The following MED25 variants were observed in gnomAD, a reference collection of about 807,000 sequenced individuals.
MED25 encodes mediator of RNA polymerase II transcription subunit 25.
A neutral mutation model predicts 89.4 loss-of-function variants in MED25; 62 were observed. The observed-to-expected ratio is 0.69, with a 90% CI of 0.57 to 0.86. MED25 has a LOEUF of 0.86. Ranked by LOEUF, MED25 falls within the 40% of genes least tolerant of loss-of-function variation. The probability of loss-of-function intolerance (pLI) is 0.00; values close to 1 mark genes in which losing one functional copy is unlikely to be tolerated. For missense variants in MED25, 905 were observed against 1,005.2 expected (o/e 0.90, Z 1.35); for synonymous variants, 449 against 427.9 (o/e 1.05, Z -0.61).
rs2074043420 is a variant in MED25, at chr19:49,830,094, G to T, written c.695G>T (p.Gly232Val). Residue 232 changes from glycine (G) to valine (V), a missense_variant, in exon 7 of 18, where the codon GGT becomes GTT. Gly to Val is a moderately radical substitution (Grantham distance 109). Transcript: ENST00000312865. The surrounding 1 kb of genome is among the most constrained non-coding windows in gnomAD (Gnocchi z 4.6). ...CCATCCCTCCTGCTCTCAGTTGGGGGTGGCTCAGCCCCAGGCCCCCTCCAG... is the reference window on the plus strand; with the variant it reads ...CCATCCCTCCTGCTCTCAGTTGGGGTTGGCTCAGCCCCAGGCCCCCTCCAG... ...LVRGLVLPVG[G>V]GSAPGPLQSK... 2.5e-6 allele frequency: 4 copies of T among 1,606,850 alleles called. No individual in the cohort carries two copies. Among genetic ancestry groups the T allele is most frequent in the Non-Finnish European group, 3.4e-6 (4 of 1,177,458 alleles).
At position 49,819,122 on chromosome 19, in the gene MED25, A is replaced by G. The variant is rs202133976; in HGVS notation, c.181-50A>G. 9.3e-6 allele frequency: 15 copies of G among 1,610,342 alleles called. No homozygotes were observed. The East Asian group carries it at 2.9e-4, about 31-fold the overall frequency. Reference sequence around the variant, plus strand: ...GGAGCCCTGATTCCTTCTCTAAGGGAAAAGGGAATTGAGGTCCCAGATTAA... The same window carrying G: ...GGAGCCCTGATTCCTTCTCTAAGGGGAAAGGGAATTGAGGTCCCAGATTAA... On this transcript the variant is annotated intron_variant, in intron 2 of 17. Coordinates refer to ENST00000312865, the MANE Select transcript of MED25 (RefSeq NM_030973.4).
chr19:49,825,583 AG>A (rs1194023117), intron 3 of MED25, among the ~76,000 whole-genome samples: 1 of 151,872 alleles, frequency 6.6e-6, no homozygotes, highest in Non-Finnish European at 1.5e-5. Flanking sequence ...CTGTAATTCC[AG>A]CACTTTGGGA....
chr19:49,821,958 G>A (rs1201353799), intron 3 of MED25, among the ~76,000 whole-genome samples: 14 of 149,844 alleles, frequency 9.3e-5, no homozygotes, highest in African/African-American at 3.0e-4. Context: ...GTGAAACCCC[G>A]TCTCTACAAA....
At chr19:49,839,801 TA>T (rs2074122340), downstream of MED25, 1 of 152,208 alleles carries the variant, frequency 6.6e-6, no homozygotes, top group Non-Finnish European at 1.5e-5. Context: ...TGTATTCACC[TA>T]CGTCCTGGGG....
Position 49,836,881 on chromosome 19 carries a change from G to C in MED25, c.2181G>C (p.Pro727=). Residue 727 remains proline (P), a synonymous_variant, in exon 18 of 18, where the codon CCG becomes CCC. Transcript: ENST00000312865. The surrounding 1 kb of genome is among the most constrained non-coding windows in gnomAD (Gnocchi z 5.1). ...QMLLSGGPRG[P]VPQPGLQPSV... The stretch of plus-strand genomic sequence containing the variant: ...TGCTGAGCGGGGGTCCCCGGGGCCC[G>C]GTCCCCCAGCCGGGCCTGCAGCCCA... The C allele has an allele frequency of 1.2e-6, 2 of 1,612,380 alleles. No individual in the cohort carries two copies. The highest frequency in any genetic ancestry group is 1.7e-6 in the Non-Finnish European group (2 of 1,179,682).
Position 49,818,553 on chromosome 19 carries a change from C to T in MED25, c.135-18C>T. 5.0e-6 allele frequency: 8 copies of T among 1,614,248 alleles called. No individual in the cohort carries two copies. The highest frequency in any genetic ancestry group is 6.8e-6 in the Non-Finnish European group (8 of 1,180,046). On this transcript the variant is annotated intron_variant, in intron 1 of 17. Transcript: ENST00000312865. ...AGTTTCTTGCCTGACTCCGACCTTT[C>T]ACTTCCTACCCTCACAGGTATTTTA...
rs1275552116 is a variant in MED25 at position 49,829,798 on chromosome 19, T to C, written c.538T>C (p.Phe180Leu). 34 of 1,597,600 alleles carry C rather than the reference T, an allele frequency of 2.1e-5. No homozygotes were observed. The highest frequency in any genetic ancestry group is 2.9e-5 in the Non-Finnish European group (34 of 1,172,236). The change falls in exon 6 of 18, where the codon TTC (phenylalanine) becomes CTC (leucine). Residue 180 changes from phenylalanine (F) to leucine (L), a missense_variant. Around this residue, in one of 3 missense-constraint regions of MED25, gnomAD observed 501 missense variants for 526.9 expected, o/e 0.95. Coordinates refer to ENST00000312865, the MANE Select transcript of MED25 (RefSeq NM_030973.4). This position sits in a 1 kb window ranked among gnomAD's most constrained non-coding sequence, Gnocchi z 4.6. ...CCCTCTCCTACAGCGGGGGATCCAC[T>C]TCTCCATTGTGTCTCCCCGGAAGCT... ...VQQIGERGIH[F>L]SIVSPRKLPA... is the part of the protein sequence containing the mutation.
At chr19:49,837,141 C>T (rs775106572), downstream of MED25, among the ~76,000 whole-genome samples, 2 of 152,114 alleles carry the variant, frequency 1.3e-5, no homozygotes, top group Non-Finnish European at 2.9e-5. Context: ...CAACCTGATT[C>T]GTGGGAGATG....
chr19:49,830,384 G>C lies in MED25; in HGVS notation c.820-127G>C. 1 of 1,153,998 alleles carries C rather than the reference G, an allele frequency of 8.7e-7. No individual in the cohort carries two copies. Among genetic ancestry groups the C allele is most frequent in the South Asian group, 1.3e-5 (1 of 78,170 alleles). The allele number at this position is 1,153,998 out of a possible 1,614,324, so 71.5% of individuals were successfully genotyped here. A position where few individuals can be genotyped will look rare whatever the true frequency, so the allele number is the denominator to read the frequency against. On this transcript the variant is annotated intron_variant, in intron 7 of 17. Coordinates refer to ENST00000312865, the MANE Select transcript of MED25 (RefSeq NM_030973.4). This position sits in a 1 kb window ranked among gnomAD's most constrained non-coding sequence, Gnocchi z 4.6. Reference sequence around the variant, plus strand: ...ATGGAAGCTCATGTGCTGTGTGATGGGTGTTGTGAGCTAAGCTATCCCAGC... The same window carrying C: ...ATGGAAGCTCATGTGCTGTGTGATGCGTGTTGTGAGCTAAGCTATCCCAGC...
chr19:49,834,773 C>A lies in MED25; in HGVS notation c.1483-213C>A. ...CTCCAGCACTTTCTCTCCGCTTTCC[C>A]TCTCAGTGGGCAGCTGGAACCCTAG... is the stretch of plus-strand genomic sequence containing the variant. On this transcript the variant is annotated intron_variant, in intron 13 of 17. Coordinates refer to ENST00000312865, the MANE Select transcript of MED25 (RefSeq NM_030973.4). This position sits in a 1 kb window ranked among gnomAD's most constrained non-coding sequence, Gnocchi z 4.1. The A allele has an allele frequency of 1.7e-6, 1 of 596,728 alleles. No homozygotes were observed. The highest frequency in any genetic ancestry group is 3.0e-6 in the Non-Finnish European group (1 of 334,882). The allele number at this position is 596,728 out of a possible 1,614,324, so 37.0% of individuals were successfully genotyped here. A position where few individuals can be genotyped will look rare whatever the true frequency, so the allele number is the denominator to read the frequency against.
At chr19:49,825,723 C>G (rs370786620) in intron 3 of MED25, among the ~76,000 whole-genome samples, 1 of 151,450 alleles carries the variant, frequency 6.6e-6, no homozygotes, top group Non-Finnish European at 1.5e-5. Flanking sequence ...CCCAGCTACT[C>G]GGGAGGCTGA....
At position 49,830,445 on chromosome 19, in the gene MED25, T is replaced by C. The variant is rs2074046794; in HGVS notation, c.820-66T>C. On this transcript the variant is annotated intron_variant, in intron 7 of 17. Transcript: ENST00000312865. This position sits in a 1 kb window ranked among gnomAD's most constrained non-coding sequence, Gnocchi z 4.6. The stretch of plus-strand genomic sequence containing the variant: ...TGGGGCCATGGGTGGTGTGACCTCG[T>C]GGGATACCAGGACTGGGGGGCCATG... 2.0e-5 allele frequency: 30 copies of C among 1,532,702 alleles called. No homozygotes were observed. The highest frequency in any genetic ancestry group is 2.6e-5 in the Non-Finnish European group (29 of 1,108,934). The allele number at this position is 1,532,702 out of a possible 1,614,324, so 94.9% of individuals were successfully genotyped here. A position where few individuals can be genotyped will look rare whatever the true frequency, so the allele number is the denominator to read the frequency against.
downstream of MED25, chr19:49,838,473 T>TGAGGCA: frequency 2.4e-6 from 1 of 421,016 alleles, no homozygotes; most frequent in Non-Finnish European, 4.8e-6. Flanking sequence ...GGCTTCCCTG[T>TGAGGCA]GAGGCAGAGA....
Position 49,830,316 on chromosome 19 carries a change from TGGGA to T in MED25, c.819+100_819+103del. ...TTGCATGTTGGAGCTTGTGGGATGATGGGAGTCCCATGGGACATTGGGAAGGTGG... is the reference window on the plus strand; with the variant it reads ...TTGCATGTTGGAGCTTGTGGGATGATGTCCCATGGGACATTGGGAAGGTGG... On this transcript the variant is annotated intron_variant, in intron 7 of 17. Coordinates refer to ENST00000312865, the MANE Select transcript of MED25 (RefSeq NM_030973.4). The surrounding 1 kb of genome is among the most constrained non-coding windows in gnomAD (Gnocchi z 4.6). The T allele has an allele frequency of 7.6e-7, 1 of 1,316,042 alleles. No individual in the cohort carries two copies. Among genetic ancestry groups the T allele is most frequent in the South Asian group, 1.2e-5 (1 of 81,856 alleles). The allele number at this position is 1,316,042 out of a possible 1,614,324, so 81.5% of individuals were successfully genotyped here.
In MED25 at chr19:49,819,109, C is replaced by T. The variant is rs1600312847; in HGVS notation, c.181-63C>T. The T allele has an allele frequency of 1.9e-6, 3 of 1,602,478 alleles. No homozygotes were observed. The East Asian group carries it at 6.7e-5, about 36-fold the overall frequency. On this transcript the variant is annotated intron_variant, in intron 2 of 17. Transcript: ENST00000312865. Reference sequence around the variant, plus strand: ...GAACGGGAAGCTGGGAGCCCTGATTCCTTCTCTAAGGGAAAAGGGAATTGA... The same window carrying T: ...GAACGGGAAGCTGGGAGCCCTGATTTCTTCTCTAAGGGAAAAGGGAATTGA...
rs530482838 is a variant in MED25, at chr19:49,836,625, G to A, written c.2146+219G>A. On this transcript the variant is annotated intron_variant, in intron 17 of 17. Coordinates refer to ENST00000312865, the MANE Select transcript of MED25 (RefSeq NM_030973.4). The surrounding 1 kb of genome is among the most constrained non-coding windows in gnomAD (Gnocchi z 5.1). ...AGCGTTTCCCATGATCCTCCTGTGT[G>A]TGCTCCTGGGATTGCTGGGAAATGT... 1.3e-6 allele frequency: 1 copy of A among 744,590 alleles called. No individual in the cohort carries two copies. Among genetic ancestry groups the A allele is most frequent in the East Asian group, 2.7e-5 (1 of 37,412 alleles). The allele number at this position is 744,590 out of a possible 1,614,324, so 46.1% of individuals were successfully genotyped here. A position where few individuals can be genotyped will look rare whatever the true frequency, so the allele number is the denominator to read the frequency against.
downstream of MED25, chr19:49,838,755 C>T (rs772855042): frequency 8.8e-5 from 40 of 456,624 alleles, no homozygotes; most frequent in Middle Eastern, 3.3e-4. Flanking sequence ...GTAAGAGCTA[C>T]GACCAGTACA....
chr19:49,819,160 C>T lies in MED25; in HGVS notation c.181-12C>T, dbSNP rs376974482. On this transcript the variant is annotated splice_polypyrimidine_tract_variant and intron_variant, in intron 2 of 17. Transcript: ENST00000312865. ...GGTCCCAGATTAAAAGTTTTCTGTCCTCCCCTCCCAGTATGGGGGGACCCA... is the reference window on the plus strand; with the variant it reads ...GGTCCCAGATTAAAAGTTTTCTGTCTTCCCCTCCCAGTATGGGGGGACCCA... 6.8e-6 allele frequency: 11 copies of T among 1,613,986 alleles called. No individual in the cohort carries two copies. The highest frequency in any genetic ancestry group is 1.6e-4 in the Middle Eastern group (1 of 6,084).
In MED25 at chr19:49,830,656, C is replaced by T. The variant is rs1044626771; in HGVS notation, c.908-38C>T. 56 of 1,612,436 alleles carry T rather than the reference C, an allele frequency of 3.5e-5. No individual in the cohort carries two copies. Among genetic ancestry groups the T allele is most frequent in the African/African-American group, 5.3e-5 (4 of 74,864 alleles). ...GGGGCCAGGCAGGCCTCTCTCCACACACTTGTTCCCCACTTCTTCCCTTGG... is the reference window on the plus strand; with the variant it reads ...GGGGCCAGGCAGGCCTCTCTCCACATACTTGTTCCCCACTTCTTCCCTTGG... On this transcript the variant is annotated intron_variant, in intron 8 of 17. Coordinates refer to ENST00000312865, the MANE Select transcript of MED25 (RefSeq NM_030973.4). The surrounding 1 kb of genome is among the most constrained non-coding windows in gnomAD (Gnocchi z 4.6).
Sources: allele counts gnomAD v4.1 joint callset (sites outside exome capture counted in the v4.1 genomes callset), GRCh38; gene constraint gnomAD v4.1.1; regional missense constraint gnomAD v4.1.1; non-coding constraint Gnocchi (gnomAD v3.1); transcripts MANE v1.5; gene names NCBI Gene and HGNC (gene_info 2026-07-23, HGNC 2026-07-21).